Variants in PPP6R1 observed in about 807,000 individuals in gnomAD.
PPP6R1 encodes the protein protein phosphatase 6 regulatory subunit 1.
Under a neutral mutation model 104.6 loss-of-function variants are expected in PPP6R1, and 39 were observed. That is an observed-to-expected ratio of 0.37 (90% CI 0.29 to 0.49). The LOEUF (loss-of-function observed/expected upper bound fraction) is 0.49. PPP6R1 is among the 20% of genes least tolerant of loss of function. PPP6R1 has a pLI of 0.98. For missense variants in PPP6R1, 1,181 were observed against 1,155.8 expected (o/e 1.02, Z -0.32); for synonymous variants, 549 against 479.0 (o/e 1.15, Z -1.91).
At chr19:55,258,095 C>G (rs529654054) in intron 1 of PPP6R1, among the ~76,000 whole-genome samples, 22 of 152,302 alleles carry the variant, frequency 1.4e-4, no homozygotes, top group African/African-American at 5.1e-4. Context: ...GAGAAAGACT[C>G]CTGGGGGGCC....
At chr19:55,238,515 G>A (rs1450887689) in intron 15 of PPP6R1, among the ~76,000 whole-genome samples, 1 of 152,164 alleles carries the variant, frequency 6.6e-6, no homozygotes, top group African/African-American at 2.4e-5. Context: ...TGGGGAGCAA[G>A]ACAGAGTCTC....
chr19:55,252,213 C>G (rs1040785715), intron 1 of PPP6R1, among the ~76,000 whole-genome samples: 1 of 152,154 alleles, frequency 6.6e-6, no homozygotes, highest in African/African-American at 2.4e-5. Flanking sequence ...CTAAGAACCA[C>G]TGAATTGTAC....
At position 55,242,415 on chromosome 19, in the gene PPP6R1, T is replaced by C; in HGVS notation, c.692A>G (p.Asp231Gly). ...LSREQMIQVQ[D>G]SPEPDQLLAT... is the part of the protein sequence containing the mutation. ...CAGCAGTTGGTCAGGCTCTGGGCTG[T>C]CCTGGACTTGGATCATCTGCTCCCG... The change falls in exon 6 of 24, where the codon GAC becomes GGC. Residue 231 changes from aspartate (D) to glycine (G), a missense_variant. Asp to Gly is a moderately conservative substitution (Grantham distance 94). Transcript: ENST00000412770. 1 of 1,614,010 alleles carries C rather than the reference T, an allele frequency of 6.2e-7. No individual in the cohort carries two copies. Among genetic ancestry groups the C allele is most frequent in the Middle Eastern group, 1.6e-4 (1 of 6,062 alleles).
chr19:55,232,802 G>C (rs1268205110), intron 17 of PPP6R1: 10 of 152,514 alleles, frequency 6.6e-5, no homozygotes, highest in African/African-American at 2.2e-4. Context: ...CAACCTACGT[G>C]CTGATCAACC....
chr19:55,229,973 G>C lies in PPP6R1; in HGVS notation c.*555C>G, dbSNP rs1035286709. On this transcript the variant is annotated 3_prime_UTR_variant, in exon 24 of 24. Coordinates refer to ENST00000412770, the MANE Select transcript of PPP6R1 (RefSeq NM_014931.4). ...CTGCTCCCCAGAGCCGGACTGGCCT[G>C]GTTGAAAGTGCAGGGTCTGGGCAAA... 1 of 153,268 alleles carries C rather than the reference G, an allele frequency of 6.5e-6. No individual in the cohort carries two copies. Among genetic ancestry groups the C allele is most frequent in the African/African-American group, 2.4e-5 (1 of 41,474 alleles). 9.5% of individuals were successfully genotyped at this position (153,268 alleles called of 1,614,324 possible).
At chr19:55,231,539 C>A in intron 20 of PPP6R1, 48 bp from the exon 21 acceptor site, 2 of 1,597,124 alleles carry the variant, frequency 1.3e-6, no homozygotes, top group Non-Finnish European at 1.7e-6. Flanking sequence ...AAGCTCGGAG[C>A]TGGCCAGGCT....
rs564016575 is a variant in PPP6R1, at chr19:55,248,382, C to A, written c.-6-1273G>T. 5.9e-5 allele frequency among the ~76,000 whole-genome samples: 9 copies of A among 152,370 alleles called. No individual in the cohort carries two copies. The South Asian group carries it at 1.7e-3, about 28-fold the overall frequency. Reference sequence around the variant, plus strand: ...GCAGACAGCCTTCACGGAGCTCTCACCAGTTAAGACACTGACCAGAGCTCA... The same window carrying A: ...GCAGACAGCCTTCACGGAGCTCTCAACAGTTAAGACACTGACCAGAGCTCA... On this transcript the variant is annotated intron_variant, in intron 1 of 23. Coordinates refer to ENST00000412770, the MANE Select transcript of PPP6R1 (RefSeq NM_014931.4).
chr19:55,239,914 G>A lies in PPP6R1; in HGVS notation c.1478-3C>T, dbSNP rs779103408. ...CTCCTGCTGCTCGCTGGGCAGCTCT[G>A]CTTAGGTGAGAGGGGTGAAGACGTG... On this transcript the variant is annotated splice_polypyrimidine_tract_variant and splice_region_variant and intron_variant, in intron 12 of 23. Transcript: ENST00000412770. 1.9e-6 allele frequency: 3 copies of A among 1,613,866 alleles called. No individual in the cohort carries two copies. The Admixed American group carries it at 5.0e-5, about 27-fold the overall frequency.
chr19:55,242,610 CACGTGTTACGA>C, intron 5 of PPP6R1, 122 bp from the exon 6 acceptor site: 1 of 791,434 alleles, frequency 1.3e-6, no homozygotes, highest in South Asian at 1.5e-5. Context: ...GACACAGGGA[CACGTGTTACGA>C]AGGAGGAGGG....
chr19:55,231,917 C>G lies in PPP6R1; in HGVS notation c.2191G>C (p.Gly731Arg), dbSNP rs373100849. The G allele has an allele frequency of 1.3e-6, 2 of 1,550,700 alleles. No homozygotes were observed. The highest frequency in any genetic ancestry group is 1.4e-5 in the African/African-American group (1 of 73,594). Residue 731 changes from glycine (G) to arginine (R), a missense_variant, in exon 19 of 24, where the codon GGG becomes CGG. Coordinates refer to ENST00000412770, the MANE Select transcript of PPP6R1 (RefSeq NM_014931.4). Reference sequence around the variant, plus strand: ...GGCCCAGTGTGCAGCTCTTCCTCCCCGGAGACTCGGGGGCTGGTCGGGGCA... The same window carrying G: ...GGCCCAGTGTGCAGCTCTTCCTCCCGGGAGACTCGGGGGCTGGTCGGGGCA... ...TDAPTSPRVS[G>R]EEELHTGPPA...
At chr19:55,250,316 G>T (rs2087543527) in intron 1 of PPP6R1, among the ~76,000 whole-genome samples, 1 of 152,256 alleles carries the variant, frequency 6.6e-6, no homozygotes, top group African/African-American at 2.4e-5. Context: ...CCCCGATCCA[G>T]GGGTTGGCGG....
chr19:55,242,091 C>A, intron 7 of PPP6R1, 75 bp downstream of exon 7: 1 of 1,418,356 alleles, frequency 7.1e-7, no homozygotes, highest in Admixed American at 1.9e-5. Context: ...TGGTGGACAC[C>A]GAGACCCGCC....
Position 55,241,219 on chromosome 19 carries a change from G to A in PPP6R1, c.1161+20C>T. On this transcript the variant is annotated intron_variant, in intron 9 of 23. Transcript: ENST00000412770. This position sits in a 1 kb window ranked among gnomAD's most constrained non-coding sequence, Gnocchi z 5.4. ...CCCCGCCCCAGCCCCTGAACCCCCA[G>A]CCCGGTCCAGTCCCCGCACCAGCAT... 8.3e-7 allele frequency: 1 copy of A among 1,203,520 alleles called. No individual in the cohort carries two copies. Among genetic ancestry groups the A allele is most frequent in the South Asian group, 1.3e-5 (1 of 76,520 alleles). The allele number at this position is 1,203,520 out of a possible 1,614,324, so 74.6% of individuals were successfully genotyped here. A position where few individuals can be genotyped will look rare whatever the true frequency, so the allele number is the denominator to read the frequency against.
At position 55,230,379 on chromosome 19, in the gene PPP6R1, G is replaced by C. The variant is rs2087328931; in HGVS notation, c.*149C>G. On this transcript the variant is annotated 3_prime_UTR_variant, in exon 24 of 24. Transcript: ENST00000412770. ...GGGGGTGGGTTGGGCCTGTCTCCCT[G>C]GCACCAGCCTCCTGGGGGTCCAGAG... 6.5e-6 allele frequency: 8 copies of C among 1,239,034 alleles called. No homozygotes were observed. The Admixed American group carries it at 1.7e-4, about 26-fold the overall frequency. 76.8% of individuals were successfully genotyped at this position (1,239,034 alleles called of 1,614,324 possible).
chr19:55,242,072 G>A (rs923085215), intron 7 of PPP6R1, 94 bp downstream of exon 7: 4 of 1,212,648 alleles, frequency 3.3e-6, no homozygotes, highest in Admixed American at 2.0e-5. Flanking sequence ...CACGGGCGGG[G>A]ATTTCTCTTG....
intron 1 of PPP6R1, among the ~76,000 whole-genome samples, chr19:55,257,473 G>A (rs1389058293): frequency 6.6e-6 from 1 of 152,178 alleles, no homozygotes; most frequent in Admixed American, 6.5e-5. Context: ...GCCTGGATAA[G>A]CACGCCGGGC....
chr19:55,258,515 C>T lies in PPP6R1; in HGVS notation c.-87G>A, dbSNP rs2087613231. On this transcript the variant is annotated 5_prime_UTR_variant, in exon 1 of 24. Transcript: ENST00000412770. ...CGCCCCGCCGCCGGCGGCTCCGGCCCCTGCTGCGGGGCCCGGTGAGTGGGG... is the reference window on the plus strand; with the variant it reads ...CGCCCCGCCGCCGGCGGCTCCGGCCTCTGCTGCGGGGCCCGGTGAGTGGGG... The T allele has an allele frequency of 6.7e-6, 1 of 149,932 alleles. No individual in the cohort carries two copies. Among genetic ancestry groups the T allele is most frequent in the South Asian group, 2.1e-4 (1 of 4,834 alleles). The allele number at this position is 149,932 out of a possible 1,614,324, so 9.3% of individuals were successfully genotyped here. A position where few individuals can be genotyped will look rare whatever the true frequency, so the allele number is the denominator to read the frequency against.
intron 1 of PPP6R1, among the ~76,000 whole-genome samples, chr19:55,257,851 G>C (rs1411643541): frequency 6.6e-6 from 1 of 152,246 alleles, no homozygotes; most frequent in African/African-American, 2.4e-5. Flanking sequence ...GCCCTCAGCA[G>C]GCTTCATCTC....
At chr19:55,237,042 C>G in intron 15 of PPP6R1, 72 bp from the exon 16 acceptor site, 1 of 1,448,394 alleles carries the variant, frequency 6.9e-7, no homozygotes, top group Non-Finnish European at 9.6e-7. Flanking sequence ...GGCCACATTT[C>G]TTTCTTCACT....
Sources: allele counts gnomAD v4.1 joint callset (sites outside exome capture counted in the v4.1 genomes callset), GRCh38; gene constraint gnomAD v4.1.1; non-coding constraint Gnocchi (gnomAD v3.1); transcripts MANE v1.5; gene names NCBI Gene and HGNC (gene_info 2026-07-23, HGNC 2026-07-21).